The following INO80D variants were observed in gnomAD, a reference collection of about 807,000 sequenced individuals.
INO80D encodes INO80 complex subunit D.
Under a neutral mutation model 87.6 loss-of-function variants are expected in INO80D, and 21 were observed. That is an observed-to-expected ratio of 0.24 (90% CI 0.17 to 0.35). The LOEUF is 0.35. Ranked by LOEUF, INO80D falls within the 10% of genes least tolerant of loss-of-function variation. The probability of loss-of-function intolerance (pLI) is 1.00; values close to 1 mark genes in which losing one functional copy is unlikely to be tolerated. For missense variants in INO80D, 982 were observed against 1,280.7 expected, an observed-to-expected ratio of 0.77 and a Z score of 3.56; for synonymous variants, 440 against 491.0, an observed-to-expected ratio of 0.90 and a Z score of 1.37.
intron 4 of INO80D, among the ~76,000 whole-genome samples, chr2:206,048,354 C>A (rs1354224227): frequency 6.6e-6 from 1 of 152,122 alleles, no homozygotes; most frequent in African/African-American, 2.4e-5. Flanking sequence ...CCACCTCAGC[C>A]TCCAAAGTAG....
chr2:206,013,415 G>A (rs1488017250), intron 8 of INO80D, among the ~76,000 whole-genome samples: 1 of 152,044 alleles, frequency 6.6e-6, no homozygotes, highest in Non-Finnish European at 1.5e-5. Context: ...AGCCAGGCGT[G>A]GTGGCAGGCA....
At chr2:206,027,156 G>GCGCACA (rs1395416263) in intron 6 of INO80D, among the ~76,000 whole-genome samples, 36 of 151,196 alleles carry the variant, frequency 2.4e-4, no homozygotes, top group Admixed American at 1.6e-3. Context: ...GCGCGCACGC[G>GCGCACA]CACACACACA....
intron 6 of INO80D, among the ~76,000 whole-genome samples, chr2:206,025,251 C>T (rs1688573168): frequency 6.6e-6 from 1 of 151,162 alleles, no homozygotes; most frequent in African/African-American, 2.4e-5. Flanking sequence ...TAACTGGCCA[C>T]GCATGGTAGC....
intron 4 of INO80D, among the ~76,000 whole-genome samples, chr2:206,050,974 C>G (rs1488989032): frequency 6.9e-6 from 1 of 145,226 alleles, no homozygotes; most frequent in Non-Finnish European, 1.6e-5. Context: ...GTCTCAACAA[C>G]AACAACAAAA....
intron 7 of INO80D, 55 bp from the exon 8 acceptor site, chr2:206,017,868 C>A: frequency 6.6e-7 from 1 of 1,518,378 alleles, no homozygotes; most frequent in South Asian, 1.3e-5. Flanking sequence ...TTTTCAATTT[C>A]TATATAAAAT....
intron 1 of INO80D, among the ~76,000 whole-genome samples, chr2:206,066,505 A>G (rs777052013): frequency 7.2e-5 from 11 of 152,054 alleles, no homozygotes; most frequent in Non-Finnish European, 1.6e-4. Context: ...CAGCCATTAA[A>G]AAGAATGAAA....
At chr2:206,042,188 C>T (rs1689068105) in intron 5 of INO80D, among the ~76,000 whole-genome samples, 1 of 152,018 alleles carries the variant, frequency 6.6e-6, no homozygotes. Context: ...TTGTGGGACA[C>T]AGCTACAACC....
rs1366309466 is a variant in INO80D at position 206,001,783 on chromosome 2, GATAATT to G, written c.*2579_*2584del. 3 of 152,314 alleles carry G rather than the reference GATAATT, an allele frequency of 2.0e-5. No individual in the cohort carries two copies. The highest frequency in any genetic ancestry group is 3.9e-4 in the East Asian group (2 of 5,192). The allele number at this position is 152,314 out of a possible 1,614,324, so 9.4% of individuals were successfully genotyped here. A position where few individuals can be genotyped will look rare whatever the true frequency, so the allele number is the denominator to read the frequency against. On this transcript the variant is annotated 3_prime_UTR_variant, in exon 11 of 11. Transcript: ENST00000403263. ...AAAATAAGAGGAAAAGTTTGTTGTT[GATAATT>G]CCTCAACCACTTTCCTCAGCTTTCA... is the stretch of plus-strand genomic sequence containing the variant.
At chr2:206,010,873 T>A (rs1396842977) in intron 8 of INO80D, among the ~76,000 whole-genome samples, 3 of 152,012 alleles carry the variant, frequency 2.0e-5, no homozygotes, top group South Asian at 4.2e-4. Context: ...AGGTCAGGAG[T>A]TCGAGACCAG....
At chr2:206,009,164 G>C (rs1034218030) in intron 9 of INO80D, among the ~76,000 whole-genome samples, 58 of 152,160 alleles carry the variant, frequency 3.8e-4, no homozygotes, top group Non-Finnish European at 4.4e-5. Context: ...ACAAAAATCA[G>C]CTGGGCGTGA....
At chr2:206,007,678 T>C (rs188855605) in intron 9 of INO80D, among the ~76,000 whole-genome samples, 3 of 152,066 alleles carry the variant, frequency 2.0e-5, no homozygotes, top group East Asian at 3.9e-4. Context: ...AAAAATTAGC[T>C]GGGCATGGTG....
At position 206,009,617 on chromosome 2, in the gene INO80D, G is replaced by A. The variant is rs762953262; in HGVS notation, c.1720C>T (p.Pro574Ser). The A allele has an allele frequency of 1.2e-6, 2 of 1,613,838 alleles. No individual in the cohort carries two copies. The highest frequency in any genetic ancestry group is 1.3e-5 in the African/African-American group (1 of 75,034). Residue 574 changes from proline to serine, a missense_variant, in exon 9 of 11, where the codon CCC becomes TCC. Coordinates refer to ENST00000403263, the MANE Select transcript of INO80D (RefSeq NM_017759.5). Reference sequence around the variant, plus strand: ...TCCACTGGCAGTGAGACGCTGGCGGGCATGCTGAGGTTCCCTTGGGGGACT... The same window carrying A: ...TCCACTGGCAGTGAGACGCTGGCGGACATGCTGAGGTTCCCTTGGGGGACT... ...PAVPQGNLSM[P>S]ASVSLPVEAS...
At chr2:206,080,446 T>C (rs921744854) in intron 1 of INO80D, among the ~76,000 whole-genome samples, 25 of 152,192 alleles carry the variant, frequency 1.6e-4, no homozygotes, top group Admixed American at 1.3e-4. Context: ...GCAGAGACTA[T>C]GCTAACATGA....
intron 6 of INO80D, among the ~76,000 whole-genome samples, chr2:206,020,069 AAT>A (rs1226880382): frequency 4.0e-5 from 6 of 149,008 alleles, no homozygotes; most frequent in African/African-American, 1.2e-4. Context: ...ATTACATCAG[AAT>A]ATGTTTCAAG....
At chr2:206,048,306 T>C (rs966354201) in intron 4 of INO80D, among the ~76,000 whole-genome samples, 2 of 152,082 alleles carry the variant, frequency 1.3e-5, no homozygotes, top group South Asian at 2.1e-4. Flanking sequence ...CAATCTCAGC[T>C]CACTACAGCC....
chr2:206,059,043 A>C (rs1187535057), intron 3 of INO80D, among the ~76,000 whole-genome samples: 1 of 150,804 alleles, frequency 6.6e-6, no homozygotes, highest in Non-Finnish European at 1.5e-5. Context: ...TGAGCAACAT[A>C]GCAAGACCCT....
At chr2:206,053,926 G>A (rs1365273082) in intron 4 of INO80D, among the ~76,000 whole-genome samples, 2 of 150,612 alleles carry the variant, frequency 1.3e-5, no homozygotes, top group African/African-American at 4.9e-5. Flanking sequence ...TGCAACCTCC[G>A]CCTCCTGGGT....
At chr2:206,043,571 TCCGCCTC>T (rs1374214507) in intron 5 of INO80D, among the ~76,000 whole-genome samples, 2 of 152,162 alleles carry the variant, frequency 1.3e-5, no homozygotes, top group East Asian at 3.9e-4. Flanking sequence ...CACTGCAAGC[TCCGCCTC>T]CCAGGTTCAC....
rs538959663 is a variant in INO80D at position 206,085,111 on chromosome 2, G to A, written c.-124+790C>T. On this transcript the variant is annotated intron_variant, in intron 1 of 10. Transcript: ENST00000403263. This position sits in a 1 kb window ranked among gnomAD's most constrained non-coding sequence, Gnocchi z 4.5. Reference sequence around the variant, plus strand: ...AGCCGAGTGCGCTCCCCCACGCCCTGGGGGGTCCCGGGCGCTAGGACCAGG... The same window carrying A: ...AGCCGAGTGCGCTCCCCCACGCCCTAGGGGGTCCCGGGCGCTAGGACCAGG... Among the ~76,000 whole-genome samples, 92 of 152,136 alleles carry A rather than the reference G, an allele frequency of 6.0e-4. No homozygotes were observed. Among genetic ancestry groups the A allele is most frequent in the Non-Finnish European group, 1.0e-3 (68 of 67,974 alleles).
Sources: gnomAD v4.1 joint callset for allele counts (sites outside exome capture counted in the v4.1 genomes callset) on GRCh38, gnomAD v4.1.1 for gene constraint, Gnocchi (gnomAD v3.1) non-coding constraint, MANE v1.5 for transcripts, NCBI Gene and HGNC (gene_info 2026-07-23, HGNC 2026-07-21) for gene names.